Variants in ZNF554 observed in about 807,000 individuals in gnomAD.
The protein encoded by ZNF554 is zinc finger protein 554.
A neutral mutation model predicts 21.2 loss-of-function variants in ZNF554; 15 were observed. The ratio of observed to expected loss-of-function variants is 0.71; its 90% CI spans 0.47 to 1.09. The LOEUF (loss-of-function observed/expected upper bound fraction) is 1.09. ZNF554 is among the 50% of genes least tolerant of loss of function. The pLI is 0.00. For missense variants in ZNF554, 691 were observed against 662.7 expected, an observed-to-expected ratio of 1.04 and a Z score of -0.47; for synonymous variants, 258 against 251.4, an observed-to-expected ratio of 1.03 and a Z score of -0.25.
At chr19:2,825,279 G>T (rs989142269) in intron 2 of ZNF554, among the ~76,000 whole-genome samples, 1 of 151,904 alleles carries the variant, frequency 6.6e-6, no homozygotes, top group South Asian at 2.1e-4. Context: ...CTCCCAAAGT[G>T]CTGGGATTAC....
intron 2 of ZNF554, 85 bp from the exon 3 acceptor site, chr19:2,827,532 C>T: frequency 6.6e-7 from 1 of 1,524,782 alleles, no homozygotes; most frequent in South Asian, 1.3e-5. Context: ...TTCTCAACTT[C>T]CCTGGTGCCA....
chr19:2,824,266 C>G (rs1297005443), intron 2 of ZNF554, among the ~76,000 whole-genome samples: 1 of 152,208 alleles, frequency 6.6e-6, no homozygotes, highest in African/African-American at 2.4e-5. Flanking sequence ...GTGCGAGGCC[C>G]AGGTCTGCAG....
intron 2 of ZNF554, among the ~76,000 whole-genome samples, chr19:2,824,741 C>T (rs760806655): frequency 2.0e-5 from 3 of 152,162 alleles, no homozygotes; most frequent in South Asian, 4.1e-4. Flanking sequence ...CCGTCTTAGC[C>T]GTTTTCAAGT....
chr19:2,820,502 G>A (rs2087247917), intron 1 of ZNF554, among the ~76,000 whole-genome samples: 1 of 152,150 alleles, frequency 6.6e-6, no homozygotes, highest in Admixed American at 6.5e-5. Context: ...GATGTCTGGG[G>A]ACGTCTGTGG....
In ZNF554 at chr19:2,819,971, G is replaced by T. The variant is rs1447656949; in HGVS notation, c.-101G>T. On this transcript the variant is annotated 5_prime_UTR_variant, in exon 1 of 5. Transcript: ENST00000317243. The stretch of plus-strand genomic sequence containing the variant: ...CGTCCGCTCCGAGCGCCGAGGAGCC[G>T]AGCGGAGGAGGCGTCCCAGGGACAC... The T allele has an allele frequency of 5.4e-5, 53 of 973,048 alleles. No homozygotes were observed. The highest frequency in any genetic ancestry group is 6.7e-5 in the Non-Finnish European group (51 of 766,210). 60.3% of individuals were successfully genotyped at this position (973,048 alleles called of 1,614,324 possible). A position where few individuals can be genotyped will look rare whatever the true frequency, so the allele number is the denominator to read the frequency against.
rs980715902 is a variant in ZNF554, at chr19:2,819,893, T to A, written c.-179T>A. 19 of 345,136 alleles carry A rather than the reference T, an allele frequency of 5.5e-5. No individual in the cohort carries two copies. In the East Asian group the frequency reaches 8.9e-4, roughly 16 times the overall value. The allele number at this position is 345,136 out of a possible 1,614,324, so 21.4% of individuals were successfully genotyped here. A position where few individuals can be genotyped will look rare whatever the true frequency, so the allele number is the denominator to read the frequency against. ...AGTGCCGAGTTTACCTCTGCGCGCG[T>A]CGGGGTTGGTGGCGGCGGCTGCGGC... is the stretch of plus-strand genomic sequence containing the variant. On this transcript the variant is annotated 5_prime_UTR_variant, in exon 1 of 5. Transcript: ENST00000317243.
At chr19:2,826,295 C>T (rs2087332501) in intron 2 of ZNF554, 1 of 149,178 alleles carries the variant, frequency 6.7e-6, no homozygotes, top group South Asian at 2.1e-4. Flanking sequence ...ACCTCTGCCT[C>T]CCGGTTCAAG....
At chr19:2,832,710 T>C (rs1290741944) in intron 4 of ZNF554, among the ~76,000 whole-genome samples, 1 of 152,128 alleles carries the variant, frequency 6.6e-6, no homozygotes, top group Non-Finnish European at 1.5e-5. Context: ...ATTTTCTTGT[T>C]TTATTTATTT....
chr19:2,834,349 A>C lies in ZNF554; in HGVS notation c.1114A>C (p.Arg372=), dbSNP rs925532590. The C allele has an allele frequency of 5.0e-6, 8 of 1,614,064 alleles. No homozygotes were observed. Among genetic ancestry groups the C allele is most frequent in the Non-Finnish European group, 6.8e-6 (8 of 1,180,000 alleles). ...CAGCTCCACCCTCACGCGCCATCTG[A>C]GAACTCATACTGGAGAGAAGCCCTA... ...THSSTLTRHL[R]THTGEKPYGC... Residue 372 remains arginine, a synonymous_variant, in exon 5 of 5, where the codon AGA becomes CGA. Transcript: ENST00000317243.
intron 3 of ZNF554, 103 bp from the exon 4 acceptor site, chr19:2,832,200 A>G (rs2087429771): frequency 1.7e-6 from 2 of 1,204,484 alleles, no homozygotes; most frequent in African/African-American, 1.5e-5. Context: ...TGCTGGGATT[A>G]CAGGAGTGAG....
rs762586098 is a variant in ZNF554 at position 2,820,684 on chromosome 19, C to CTTTTTTTT, written c.53+569_53+576dup. Among the ~76,000 whole-genome samples the CTTTTTTTT allele has an allele frequency of 1.7e-3, 174 of 103,164 alleles. 18 individuals carry two copies. Among genetic ancestry groups the CTTTTTTTT allele is most frequent in the African/African-American group, 4.6e-3 (120 of 26,142 alleles). The allele number at this position is 103,164 out of a possible 152,430, so 67.7% of individuals were successfully genotyped here. ...TCCTGGTGATAAGACAGCAAGGGTC[C>CTTTTTTTT]TTTTTTTTTTTTTTTTGAGACGGAG... On this transcript the variant is annotated intron_variant, in intron 1 of 4. Coordinates refer to ENST00000317243, the MANE Select transcript of ZNF554 (RefSeq NM_001102651.2).
chr19:2,828,782 CCTT>C (rs543621031), intron 3 of ZNF554, among the ~76,000 whole-genome samples: 4 of 151,918 alleles, frequency 2.6e-5, no homozygotes, highest in Non-Finnish European at 5.9e-5. Flanking sequence ...GAAGCAGGCA[CCTT>C]CTTCAAAAGG....
intron 2 of ZNF554, among the ~76,000 whole-genome samples, chr19:2,824,224 C>A (rs1018126060): frequency 6.6e-6 from 1 of 152,172 alleles, no homozygotes; most frequent in African/African-American, 2.4e-5. Flanking sequence ...GCAGGGCTCT[C>A]ACTTGTCTCC....
Position 2,819,973 on chromosome 19 carries a change from G to T in ZNF554, c.-99G>T. 1 of 979,622 alleles carries T rather than the reference G, an allele frequency of 1.0e-6. No homozygotes were observed. Among genetic ancestry groups the T allele is most frequent in the Non-Finnish European group, 1.3e-6 (1 of 771,796 alleles). 60.7% of individuals were successfully genotyped at this position (979,622 alleles called of 1,614,324 possible). A position where few individuals can be genotyped will look rare whatever the true frequency, so the allele number is the denominator to read the frequency against. On this transcript the variant is annotated 5_prime_UTR_variant, in exon 1 of 5. Transcript: ENST00000317243. Reference sequence around the variant, plus strand: ...TCCGCTCCGAGCGCCGAGGAGCCGAGCGGAGGAGGCGTCCCAGGGACACGC... The same window carrying T: ...TCCGCTCCGAGCGCCGAGGAGCCGATCGGAGGAGGCGTCCCAGGGACACGC...
At position 2,834,811 on chromosome 19, in the gene ZNF554, G is replaced by A. The variant is rs896715455; in HGVS notation, c.1576G>A (p.Gly526Arg). The change falls in exon 5 of 5, where the codon GGG becomes AGG. Residue 526 changes from glycine to arginine, a missense_variant. By Grantham distance (125) the Gly-to-Arg change is moderately radical. Coordinates refer to ENST00000317243, the MANE Select transcript of ZNF554 (RefSeq NM_001102651.2). ...GAAAACCTATAAAATCATTGACTGTGGGAAAGCGTTCTACCAGAACAGACA... is the reference window on the plus strand; with the variant it reads ...GAAAACCTATAAAATCATTGACTGTAGGAAAGCGTTCTACCAGAACAGACA... ...SQKTYKIIDC[G>R]KAFYQNRHLI... 1.9e-6 allele frequency: 3 copies of A among 1,605,722 alleles called. No individual in the cohort carries two copies. Among genetic ancestry groups the A allele is most frequent in the African/African-American group, 2.7e-5 (2 of 74,614 alleles).
Position 2,834,763 on chromosome 19 carries a change from C to T in ZNF554, c.1528C>T (p.His510Tyr). 1.2e-6 allele frequency: 2 copies of T among 1,613,668 alleles called. No homozygotes were observed. Among genetic ancestry groups the T allele is most frequent in the Non-Finnish European group, 1.7e-6 (2 of 1,179,638 alleles). ...CAGCCAGAGCTCATCCCTTGTCACA[C>T]ATCAGAAAACTCACAGCAGCCAGAA... ...AFSQSSSLVT[H>Y]QKTHSSQKTY... The change falls in exon 5 of 5, where the codon CAT becomes TAT. Residue 510 changes from histidine to tyrosine, a missense_variant. Physicochemically the swap from His to Tyr is moderately conservative, Grantham distance 83. Transcript: ENST00000317243.
At chr19:2,824,879 AC>A (rs2087309447) in intron 2 of ZNF554, among the ~76,000 whole-genome samples, 2 of 149,960 alleles carry the variant, frequency 1.3e-5, no homozygotes, top group African/African-American at 4.9e-5. Flanking sequence ...AGCCCCTGGT[AC>A]CCCCCATCCT....
intron 4 of ZNF554, among the ~76,000 whole-genome samples, 170 bp from the exon 5 acceptor site, chr19:2,833,511 C>T (rs2087447795): frequency 6.6e-6 from 1 of 152,200 alleles, no homozygotes; most frequent in South Asian, 2.1e-4. Context: ...CCTCAGTGGC[C>T]TTCCTTGCCA....
intron 2 of ZNF554, among the ~76,000 whole-genome samples, chr19:2,827,182 T>G (rs1467763613): frequency 6.6e-6 from 1 of 152,212 alleles, no homozygotes; most frequent in Non-Finnish European, 1.5e-5. Context: ...TGGATAAAAT[T>G]CTTCTTTCCA....
Sources: gnomAD v4.1 joint callset for allele counts (sites outside exome capture counted in the v4.1 genomes callset) on GRCh38, gnomAD v4.1.1 for gene constraint, MANE v1.5 for transcripts, NCBI Gene and HGNC (gene_info 2026-07-23, HGNC 2026-07-21) for gene names.